Variants in UFM1 observed in about 807,000 individuals in gnomAD.
The protein encoded by UFM1 is ubiquitin-fold modifier 1.
Under a neutral mutation model 15.4 loss-of-function variants are expected in UFM1, and 9 were observed. That is an observed-to-expected ratio of 0.59 (90% CI 0.35 to 1.02). The LOEUF is 1.02. Ranked by LOEUF, UFM1 falls within the 50% of genes least tolerant of loss-of-function variation. The pLI, the probability that UFM1 is intolerant of heterozygous loss-of-function variation, is 0.02. For synonymous variants in UFM1, 27 were observed against 36.3 expected (o/e 0.74, Z 0.92); for missense variants, 98 against 104.7 (o/e 0.94, Z 0.28).
chr13:38,356,133 C>G (rs899585126), intron 3 of UFM1, among the ~76,000 whole-genome samples: 2 of 151,880 alleles, frequency 1.3e-5, no homozygotes, highest in African/African-American at 4.8e-5. Flanking sequence ...GATGCCTCCT[C>G]ATGGTTTAAC....
At chr13:38,354,581 T>C in intron 3 of UFM1, 1 of 279,732 alleles carries the variant, frequency 3.6e-6, no homozygotes, top group Non-Finnish European at 6.6e-6. Flanking sequence ...TTTTTAAATG[T>C]TTTTTAAAAT....
chr13:38,360,298 G>C lies in UFM1; in HGVS notation c.191-413G>C, dbSNP rs1879311295. On this transcript the variant is annotated intron_variant, in intron 5 of 5. Transcript: ENST00000239878. ...GCTTGTTTTATTATCTTTAAAAATT[G>C]AATGTGCATATCCTTGATATGAAGA... Among the ~76,000 whole-genome samples, 4 of 151,860 alleles carry C rather than the reference G, an allele frequency of 2.6e-5. No individual in the cohort carries two copies. The South Asian group carries it at 8.3e-4, about 32-fold the overall frequency.
rs974207369 is a variant in UFM1, at chr13:38,363,451, G to C, written c.*2673G>C. 3 of 150,176 alleles carry C rather than the reference G, an allele frequency of 2.0e-5. No homozygotes were observed. The highest frequency in any genetic ancestry group is 4.4e-5 in the Non-Finnish European group (3 of 67,848). 9.3% of individuals were successfully genotyped at this position (150,176 alleles called of 1,614,324 possible). Reference sequence around the variant, plus strand: ...TCTCAGAATTTGTTCCTGTGATTCAGTGATACATAACAGTACTTGCAAATG... The same window carrying C: ...TCTCAGAATTTGTTCCTGTGATTCACTGATACATAACAGTACTTGCAAATG... On this transcript the variant is annotated 3_prime_UTR_variant, in exon 6 of 6. Transcript: ENST00000239878.
intron 2 of UFM1, among the ~76,000 whole-genome samples, chr13:38,352,947 T>C (rs1878927224): frequency 6.6e-6 from 1 of 152,210 alleles, no homozygotes; most frequent in South Asian, 2.1e-4. Flanking sequence ...AAAAATACTT[T>C]GTAAAATACT....
At chr13:38,351,593 T>G (rs1878852626) in intron 2 of UFM1, among the ~76,000 whole-genome samples, 1 of 152,204 alleles carries the variant, frequency 6.6e-6, no homozygotes, top group Non-Finnish European at 1.5e-5. Context: ...TATTTCAGTC[T>G]TGTCAAGGTT....
intron 2 of UFM1, among the ~76,000 whole-genome samples, 176 bp from the exon 3 acceptor site, chr13:38,354,063 T>TATG: frequency 6.7e-6 from 1 of 148,852 alleles, no homozygotes; most frequent in Middle Eastern, 3.4e-3. Flanking sequence ...TTTGGGTTGT[T>TATG]ATTATTATTA....
chr13:38,353,426 T>A (rs890083367), intron 2 of UFM1, among the ~76,000 whole-genome samples: 1 of 152,148 alleles, frequency 6.6e-6, no homozygotes, highest in Non-Finnish European at 1.5e-5. Context: ...AAAGAAGTTT[T>A]AAAAACCTCT....
chr13:38,356,568 T>C (rs1451409847), intron 3 of UFM1, among the ~76,000 whole-genome samples: 6 of 151,644 alleles, frequency 4.0e-5, no homozygotes, highest in Admixed American at 3.9e-4. Flanking sequence ...TAAGGCCTTA[T>C]TTTAAAAGTT....
chr13:38,350,627 G>A (rs2140048950), intron 2 of UFM1, among the ~76,000 whole-genome samples: 1 of 152,272 alleles, frequency 6.6e-6, no homozygotes, highest in East Asian at 1.9e-4. Flanking sequence ...GGTAGGAATG[G>A]GAAATGCAGA....
intron 4 of UFM1, among the ~76,000 whole-genome samples, chr13:38,358,652 T>C (rs555493199): frequency 1.3e-5 from 2 of 152,088 alleles, no homozygotes; most frequent in East Asian, 3.9e-4. Flanking sequence ...GGAGTAAAGA[T>C]TGCAGGGAGG....
intron 3 of UFM1, chr13:38,354,564 G>A (rs1879010565): frequency 6.3e-6 from 2 of 315,466 alleles, no homozygotes; most frequent in Non-Finnish European, 1.2e-5. Flanking sequence ...AACTAAAAAG[G>A]TGCTGATTTT....
intron 4 of UFM1, 21 bp downstream of exon 4, chr13:38,358,153 T>G (rs751506030): frequency 7.1e-7 from 1 of 1,413,820 alleles, no homozygotes; most frequent in South Asian, 1.5e-5. Context: ...ACTATAAAAT[T>G]ATGTATTACC....
Position 38,359,449 on chromosome 13 carries a change from T to C in UFM1, c.190+116T>C, listed in dbSNP as rs543847351. The stretch of plus-strand genomic sequence containing the variant: ...TATTTTAACATAATGGAGCTGTTTT[T>C]TAGGGATTATATACCAGTCTTTACC... On this transcript the variant is annotated intron_variant, in intron 5 of 5. Coordinates refer to ENST00000239878, the MANE Select transcript of UFM1 (RefSeq NM_016617.4). 6.2e-6 allele frequency: 7 copies of C among 1,135,474 alleles called. No homozygotes were observed. In the East Asian group the frequency reaches 1.4e-4, roughly 23 times the overall value. 70.3% of individuals were successfully genotyped at this position (1,135,474 alleles called of 1,614,324 possible). A position where few individuals can be genotyped will look rare whatever the true frequency, so the allele number is the denominator to read the frequency against.
At position 38,359,308 on chromosome 13, in the gene UFM1, A is replaced by G; in HGVS notation, c.165A>G (p.Ile55Met). 1.9e-6 allele frequency: 3 copies of G among 1,610,660 alleles called. No homozygotes were observed. Among genetic ancestry groups the G allele is most frequent in the Non-Finnish European group, 2.5e-6 (3 of 1,177,892 alleles). ...TTACAACTTATTTTCTAGATGGAAT[A>G]GGAATAAATCCTGCACAGACTGCTG... ...ATSAIITNDG[I>M]GINPAQTAGN... Residue 55 changes from isoleucine to methionine, a missense_variant, in exon 5 of 6, where the codon ATA becomes ATG. Coordinates refer to ENST00000239878, the MANE Select transcript of UFM1 (RefSeq NM_016617.4).
At chr13:38,357,398 TTGATC>T (rs1424561408) in intron 3 of UFM1, among the ~76,000 whole-genome samples, 1 of 151,928 alleles carries the variant, frequency 6.6e-6, no homozygotes, top group Non-Finnish European at 1.5e-5. Flanking sequence ...AGAGTAAACA[TTGATC>T]TGGGCATAAA....
Position 38,363,062 on chromosome 13 carries a change from A to G in UFM1, c.*2284A>G, listed in dbSNP as rs1010988905. ...ATCAGCACACCTTTTGAGTCAGTAT[A>G]TAATACATGTAGTAAAGAAAAAAAG... is the stretch of plus-strand genomic sequence containing the variant. On this transcript the variant is annotated 3_prime_UTR_variant, in exon 6 of 6. Coordinates refer to ENST00000239878, the MANE Select transcript of UFM1 (RefSeq NM_016617.4). 1 of 152,230 alleles carries G rather than the reference A, an allele frequency of 6.6e-6. No homozygotes were observed. The highest frequency in any genetic ancestry group is 2.4e-5 in the African/African-American group (1 of 41,454). The allele number at this position is 152,230 out of a possible 1,614,324, so 9.4% of individuals were successfully genotyped here. A position where few individuals can be genotyped will look rare whatever the true frequency, so the allele number is the denominator to read the frequency against.
At chr13:38,359,253 A>G in intron 4 of UFM1, 48 bp from the exon 5 acceptor site, 1 of 1,588,542 alleles carries the variant, frequency 6.3e-7, no homozygotes, top group South Asian at 1.1e-5. Flanking sequence ...CTATTTAACC[A>G]TTTTAGCTTT....
chr13:38,358,777 A>C (rs1593298533), intron 4 of UFM1, among the ~76,000 whole-genome samples: 1 of 152,002 alleles, frequency 6.6e-6, no homozygotes, highest in African/African-American at 2.4e-5. Context: ...GATAAGGTAG[A>C]ATTTCTCACT....
In UFM1 at chr13:38,349,886, T is replaced by G; in HGVS notation, c.-34T>G. On this transcript the variant is annotated 5_prime_UTR_variant, in exon 1 of 6. Transcript: ENST00000239878. ...AGGAAGTCGTGCTACCCCCGCGGAG[T>G]TGTCGTGTGTTCTGGATTCATTCCG... The G allele has an allele frequency of 6.2e-7, 1 of 1,613,638 alleles. No individual in the cohort carries two copies. Among genetic ancestry groups the G allele is most frequent in the South Asian group, 1.1e-5 (1 of 91,076 alleles).
Sources: gnomAD v4.1 joint callset for allele counts (sites outside exome capture counted in the v4.1 genomes callset) on GRCh38, gnomAD v4.1.1 for gene constraint, MANE v1.5 for transcripts, NCBI Gene and HGNC (gene_info 2026-07-23, HGNC 2026-07-21) for gene names.